Variants in MYT1L observed in about 807,000 individuals in gnomAD.
The protein encoded by MYT1L is myelin transcription factor 1 like.
In MYT1L, 12 loss-of-function variants were observed where a neutral mutation model predicts 126.7. The observed-to-expected ratio is 0.09, with a 90% CI of 0.06 to 0.15. The LOEUF (loss-of-function observed/expected upper bound fraction) is 0.15. Among genes scored for constraint, MYT1L ranks in the 10% least tolerant of loss-of-function variants. The pLI, the probability that MYT1L is intolerant of heterozygous loss-of-function variation, is 1.00. For synonymous variants in MYT1L, 541 were observed against 604.2 expected, an observed-to-expected ratio of 0.90 and a Z score of 1.53; for missense variants, 979 against 1,585.2, an observed-to-expected ratio of 0.62 and a Z score of 6.49.
At chr2:2,195,102 A>G (rs1187418610) in intron 2 of MYT1L, among the ~76,000 whole-genome samples, 1 of 152,266 alleles carries the variant, frequency 6.6e-6, no homozygotes, top group Non-Finnish European at 1.5e-5. Context: ...CATGATGTGC[A>G]CAGTCAACAT....
chr2:2,079,363 G>T (rs1240171786), intron 3 of MYT1L, among the ~76,000 whole-genome samples: 1 of 152,144 alleles, frequency 6.6e-6, no homozygotes, highest in Non-Finnish European at 1.5e-5. Flanking sequence ...TAAATGGAAA[G>T]ACATGTTCAC....
chr2:2,329,781 T>C (rs1164526012), intron 1 of MYT1L, among the ~76,000 whole-genome samples: 1 of 152,150 alleles, frequency 6.6e-6, no homozygotes. Context: ...AAGTATAACT[T>C]TAAGGAGACT....
intron 21 of MYT1L, among the ~76,000 whole-genome samples, chr2:1,815,177 T>A (rs1195305040): frequency 6.6e-6 from 1 of 152,084 alleles, no homozygotes; most frequent in African/African-American, 2.4e-5. Flanking sequence ...CTCAGTGAGC[T>A]CCGGCCGCCA....
In MYT1L at chr2:2,262,929, TA is replaced by T. The variant is rs774313027; in HGVS notation, c.-421+21474del. 9.2e-3 allele frequency among the ~76,000 whole-genome samples: 867 copies of T among 94,670 alleles called. 180 individuals are homozygous for T. The highest frequency in any genetic ancestry group is 0.032 in the African/African-American group (735 of 22,994). 62.1% of individuals were successfully genotyped at this position (94,670 alleles called of 152,430 possible). On this transcript the variant is annotated intron_variant, in intron 2 of 24. Transcript: ENST00000647738. ...TGAGAGGCACAAATATATATATATA[TA>T]TAACCTGTGATATATATATATATAT... is the stretch of plus-strand genomic sequence containing the variant.
intron 2 of MYT1L, among the ~76,000 whole-genome samples, chr2:2,195,263 A>G (rs761093769): frequency 2.6e-5 from 4 of 152,210 alleles, no homozygotes; most frequent in Non-Finnish European, 5.9e-5. Flanking sequence ...TAAGCTTAAG[A>G]TTCATGGCCT....
intron 3 of MYT1L, among the ~76,000 whole-genome samples, chr2:2,113,243 C>G (rs1404519592): frequency 6.6e-6 from 1 of 152,194 alleles, no homozygotes; most frequent in Non-Finnish European, 1.5e-5. Context: ...TCCTGATAAA[C>G]AAGCATCCTA....
chr2:2,304,060 A>C (rs1385067399), intron 1 of MYT1L: 3 of 152,258 alleles, frequency 2.0e-5, no homozygotes, highest in Non-Finnish European at 2.9e-5. Context: ...ATGTGGAAAC[A>C]AGAAACAAAA....
At chr2:2,187,116 T>G (rs1007908551) in intron 2 of MYT1L, among the ~76,000 whole-genome samples, 1 of 152,108 alleles carries the variant, frequency 6.6e-6, no homozygotes, top group African/African-American at 2.4e-5. Context: ...GCACAGTGAG[T>G]GACAGACAAG....
At chr2:1,975,232 G>C (rs997376162) in intron 8 of MYT1L, among the ~76,000 whole-genome samples, 1 of 66,434 alleles carries the variant, frequency 1.5e-5, no homozygotes, top group African/African-American at 1.5e-4. Context: ...AGGAGGCGTG[G>C]CTCACCAAAC....
chr2:2,303,802 A>G (rs2095820562), intron 1 of MYT1L: 1 of 152,238 alleles, frequency 6.6e-6, no homozygotes, highest in Admixed American at 6.5e-5. Flanking sequence ...ACCATTGCCA[A>G]GGATAGCCAC....
At chr2:2,032,476 C>T (rs1401188165) in intron 4 of MYT1L, among the ~76,000 whole-genome samples, 8 of 121,034 alleles carry the variant, frequency 6.6e-5, no homozygotes, top group African/African-American at 1.7e-4. Context: ...GAGGGCCTTA[C>T]ACACACCCCT....
At chr2:2,132,965 TG>T (rs1332729202) in intron 3 of MYT1L, among the ~76,000 whole-genome samples, 7 of 152,166 alleles carry the variant, frequency 4.6e-5, no homozygotes, top group Non-Finnish European at 1.0e-4. Context: ...TCTTCTTTGC[TG>T]GAGTTGTCTC....
At chr2:1,907,962 G>A (rs1047915900) in intron 13 of MYT1L, among the ~76,000 whole-genome samples, 1 of 152,236 alleles carries the variant, frequency 6.6e-6, no homozygotes, top group Non-Finnish European at 1.5e-5. Flanking sequence ...GAACAACCAG[G>A]AATGGCTGTG....
intron 4 of MYT1L, among the ~76,000 whole-genome samples, chr2:2,030,557 T>A (rs1346624413): frequency 6.6e-6 from 1 of 152,262 alleles, no homozygotes; most frequent in Non-Finnish European, 1.5e-5. Flanking sequence ...TTTTTAAAAA[T>A]AAGAGAAAGC....
intron 2 of MYT1L, among the ~76,000 whole-genome samples, chr2:2,275,474 C>T (rs2095343145): frequency 6.6e-6 from 1 of 152,090 alleles, no homozygotes. Context: ...AGCCCCAGTG[C>T]CCCCAGTTGG....
intron 1 of MYT1L, among the ~76,000 whole-genome samples, chr2:2,318,793 A>T (rs1360100487): frequency 6.6e-6 from 1 of 152,222 alleles, no homozygotes; most frequent in Non-Finnish European, 1.5e-5. Context: ...CCTAGCATCA[A>T]CCAACCCTTC....
intron 21 of MYT1L, among the ~76,000 whole-genome samples, chr2:1,821,148 G>A (rs962928497): frequency 1.3e-5 from 2 of 152,126 alleles, no homozygotes; most frequent in East Asian, 3.9e-4. Context: ...TCATGATTGC[G>A]TGGCTACTCA....
chr2:2,080,314 G>A (rs893104570), intron 3 of MYT1L, among the ~76,000 whole-genome samples: 1 of 151,850 alleles, frequency 6.6e-6, no homozygotes, highest in Non-Finnish European at 1.5e-5. Flanking sequence ...GAAAAAAAAA[G>A]CAAACGCATA....
intron 2 of MYT1L, among the ~76,000 whole-genome samples, chr2:2,278,685 G>T (rs2095403394): frequency 6.6e-6 from 1 of 152,152 alleles, no homozygotes; most frequent in East Asian, 1.9e-4. Flanking sequence ...CAGTAATTAT[G>T]TAATATCATG....
Sources: allele counts gnomAD v4.1 joint callset (sites outside exome capture counted in the v4.1 genomes callset), GRCh38; gene constraint gnomAD v4.1.1; transcripts MANE v1.5; gene names NCBI Gene and HGNC (gene_info 2026-07-23, HGNC 2026-07-21).